The following SCML2 variants were observed in gnomAD, a reference collection of about 807,000 sequenced individuals.
The protein encoded by SCML2 is sex comb on midleg-like protein 2.
In SCML2, 6 loss-of-function variants were observed where a neutral mutation model predicts 48.4. The ratio of observed to expected loss-of-function variants is 0.12; its 90% CI spans 0.07 to 0.24. The LOEUF (loss-of-function observed/expected upper bound fraction) is 0.24, where lower values mean the gene tolerates loss of function less well. Ranked by LOEUF, SCML2 falls within the 10% of genes least tolerant of loss-of-function variation. The probability of loss-of-function intolerance (pLI) is 1.00; values close to 1 mark genes in which losing one functional copy is unlikely to be tolerated. For missense variants in SCML2, 377 were observed against 528.2 expected, an observed-to-expected ratio of 0.71 and a Z score of 2.81; for synonymous variants, 181 against 189.5, an observed-to-expected ratio of 0.95 and a Z score of 0.37.
At chrX:18,255,624 G>C (rs1270976539) in intron 11 of SCML2, among the ~76,000 whole-genome samples, 1 of 111,996 alleles carries the variant, frequency 8.9e-6, no homozygotes, top group Non-Finnish European at 1.9e-5. Flanking sequence ...TCTGAAGCAG[G>C]GTAGTAACAA....
intron 1 of SCML2, among the ~76,000 whole-genome samples, chrX:18,345,793 T>C (rs988187260): frequency 1.3e-4 from 14 of 110,466 alleles, no homozygotes; most frequent in Admixed American, 3.9e-4. Context: ...CAGGGCTCAC[T>C]GCAGCCTGAC....
chrX:18,304,965 A>G lies in SCML2; in HGVS notation c.730+7T>C. 1 of 1,200,181 alleles carries G rather than the reference A, an allele frequency of 8.3e-7. No homozygotes were observed. Among genetic ancestry groups the G allele is most frequent in the Non-Finnish European group, 1.1e-6 (1 of 891,409 alleles). On this transcript the variant is annotated splice_region_variant and intron_variant, in intron 7 of 14. Transcript: ENST00000251900. Reference sequence around the variant, plus strand: ...GTAGAAGAAAAAGTAGTTAATTATTATCTTACCACTAGTTCCTGGGGGTTG... The same window carrying G: ...GTAGAAGAAAAAGTAGTTAATTATTGTCTTACCACTAGTTCCTGGGGGTTG...
At chrX:18,296,444 C>T (rs1367407063) in intron 7 of SCML2, among the ~76,000 whole-genome samples, 2 of 109,956 alleles carry the variant, frequency 1.8e-5, no homozygotes, top group Non-Finnish European at 3.8e-5. Context: ...GCCTACATGA[C>T]ATATGAGACA....
intron 7 of SCML2, among the ~76,000 whole-genome samples, chrX:18,303,217 A>G (rs1013219916): frequency 9.0e-6 from 1 of 111,490 alleles, no homozygotes; most frequent in African/African-American, 3.3e-5. Context: ...TATTCCATCA[A>G]TCAGGACTTA....
chrX:18,354,417 G>A (rs1295865794), intron 1 of SCML2, among the ~76,000 whole-genome samples, 175 bp downstream of exon 1: 1 of 111,807 alleles, frequency 8.9e-6, no homozygotes, highest in African/African-American at 3.2e-5. Flanking sequence ...CGCCGGGGGC[G>A]GGATACCCTA....
chrX:18,254,357 GA>G (rs1926766191), intron 11 of SCML2, among the ~76,000 whole-genome samples: 2 of 111,579 alleles, frequency 1.8e-5, no homozygotes, highest in African/African-American at 6.5e-5. Context: ...ACTACAAGCT[GA>G]CTTAAGAAAA....
chrX:18,267,193 C>G (rs1035434657), intron 7 of SCML2, among the ~76,000 whole-genome samples: 5 of 111,829 alleles, frequency 4.5e-5, no homozygotes, highest in African/African-American at 9.7e-5. Context: ...ACCATGTCCC[C>G]TTTCTCCAAT....
chrX:18,312,239 G>A (rs1479191892), intron 6 of SCML2, among the ~76,000 whole-genome samples: 2 of 111,554 alleles, frequency 1.8e-5, no homozygotes, highest in Non-Finnish European at 3.8e-5. Flanking sequence ...CAATGGAGAC[G>A]GCAAGAAGTG....
intron 7 of SCML2, among the ~76,000 whole-genome samples, chrX:18,282,646 A>C (rs772502248): frequency 4.6e-4 from 51 of 111,525 alleles, no homozygotes; most frequent in East Asian, 1.4e-3. Context: ...TCAAACAAAC[A>C]AACTAACAAA....
At chrX:18,304,895 C>T (rs1313292279) in intron 7 of SCML2, 77 bp downstream of exon 7, 11 of 1,108,593 alleles carry the variant, frequency 9.9e-6, no homozygotes, top group Middle Eastern at 5.1e-4. Flanking sequence ...ACCACCAACG[C>T]TAATCACAAT....
intron 6 of SCML2, among the ~76,000 whole-genome samples, chrX:18,313,196 C>A (rs1929015561): frequency 9.0e-6 from 1 of 111,138 alleles, no homozygotes; most frequent in Non-Finnish European, 1.9e-5. Flanking sequence ...TACTTAGCTG[C>A]TGCTATGGTT....
intron 1 of SCML2, 111 bp from the exon 2 acceptor site, chrX:18,334,206 T>C: frequency 2.0e-6 from 1 of 503,418 alleles, no homozygotes; most frequent in Non-Finnish European, 3.2e-6. Flanking sequence ...TAAACAAAAA[T>C]GATAAGATTT....
chrX:18,351,539 A>G (rs755577274), intron 1 of SCML2, among the ~76,000 whole-genome samples: 141 of 110,202 alleles, frequency 1.3e-3, no homozygotes, highest in African/African-American at 4.4e-3. Flanking sequence ...CCTAAAAATC[A>G]GGAATATGAC....
At chrX:18,351,269 C>CA (rs377260885) in intron 1 of SCML2, among the ~76,000 whole-genome samples, 5,005 of 90,579 alleles carry the variant, frequency 0.055, 349 homozygotes, top group African/African-American at 0.18. Flanking sequence ...GAGCCCATCT[C>CA]AAAAAAAAAA....
intron 6 of SCML2, among the ~76,000 whole-genome samples, chrX:18,312,980 TG>T (rs1929001258): frequency 2.6e-5 from 1 of 38,672 alleles, no homozygotes; most frequent in African/African-American, 9.7e-5. Flanking sequence ...TGGGTGTGCG[TG>T]TGTGTGTGTG....
chrX:18,329,125 T>C (rs774339231), intron 3 of SCML2, among the ~76,000 whole-genome samples: 6 of 111,703 alleles, frequency 5.4e-5, no homozygotes, highest in Admixed American at 9.6e-5. Flanking sequence ...CTGAAAACCA[T>C]TGAATTGTGC....
At position 18,324,044 on chromosome X, in the gene SCML2, G is replaced by A; in HGVS notation, c.212C>T (p.Ala71Val). 1 of 1,210,253 alleles carries A rather than the reference G, an allele frequency of 8.3e-7. No individual in the cohort carries two copies. The highest frequency in any genetic ancestry group is 1.1e-6 in the Non-Finnish European group (1 of 894,418). The stretch of plus-strand genomic sequence containing the variant: ...TGAAGTGGCATTGCGAGGGTCACGG[G>A]CTTCCAATTTCATACCAACTTTGAA... ...NDFKVGMKLEARDPRNATSVC... is the reference protein window; with the variant it reads ...NDFKVGMKLEVRDPRNATSVC... Residue 71 changes from alanine to valine, a missense_variant, in exon 5 of 15, where the codon GCC (alanine) becomes GTC (valine). Coordinates refer to ENST00000251900, the MANE Select transcript of SCML2 (RefSeq NM_006089.3).
At position 18,240,493 on chromosome X, in the gene SCML2, A is replaced by G. The variant is rs1178308905; in HGVS notation, c.*758T>C. 8.9e-6 allele frequency: 1 copy of G among 111,951 alleles called. No individual in the cohort carries two copies. The allele number at this position is 111,951 out of a possible 1,213,427, so 9.2% of individuals were successfully genotyped here. A position where few individuals can be genotyped will look rare whatever the true frequency, so the allele number is the denominator to read the frequency against. On this transcript the variant is annotated 3_prime_UTR_variant, in exon 15 of 15. Coordinates refer to ENST00000251900, the MANE Select transcript of SCML2 (RefSeq NM_006089.3). ...TTTTAAAATAATAGGAATTTCACTG[A>G]AAAAATTTAATCTGACTCCATCCAA...
chrX:18,345,310 A>G (rs1028329616), intron 1 of SCML2, among the ~76,000 whole-genome samples: 5 of 111,975 alleles, frequency 4.5e-5, no homozygotes, highest in Non-Finnish European at 9.4e-5. Context: ...AGGGTCCCCA[A>G]AATGTTTGCT....
Sources: allele counts gnomAD v4.1 joint callset (sites outside exome capture counted in the v4.1 genomes callset), GRCh38; gene constraint gnomAD v4.1.1; transcripts MANE v1.5; gene names NCBI Gene and HGNC (gene_info 2026-07-23, HGNC 2026-07-21).